Variants in CNTN1 observed in about 807,000 individuals in gnomAD.
CNTN1 encodes the protein contactin 1, also known as contactin-1.
In CNTN1, 38 loss-of-function variants were observed where a neutral mutation model predicts 126.4. The observed-to-expected ratio is 0.30, with a 90% confidence interval of 0.23 to 0.39. The LOEUF (loss-of-function observed/expected upper bound fraction) is 0.39. Ranked by LOEUF, CNTN1 falls within the 10% of genes least tolerant of loss-of-function variation. The pLI, the probability that CNTN1 is intolerant of heterozygous loss-of-function variation, is 1.00. For synonymous variants in CNTN1, 413 were observed against 422.6 expected, an observed-to-expected ratio of 0.98 and a Z score of 0.28; for missense variants, 1,009 against 1,248.4, an observed-to-expected ratio of 0.81 and a Z score of 2.89.
At chr12:41,031,149 T>C (rs1949138268) in intron 23 of CNTN1, among the ~76,000 whole-genome samples, 1 of 152,188 alleles carries the variant, frequency 6.6e-6, no homozygotes, top group African/African-American at 2.4e-5. Flanking sequence ...CAGCAAGAGA[T>C]GATGTAGCAG....
chr12:40,959,671 A>G (rs1334130426), intron 15 of CNTN1, among the ~76,000 whole-genome samples: 1 of 152,048 alleles, frequency 6.6e-6, no homozygotes, highest in Non-Finnish European at 1.5e-5. Flanking sequence ...TTATACATGT[A>G]TCATGTTTTT....
intron 1 of CNTN1, among the ~76,000 whole-genome samples, chr12:40,793,920 A>C (rs1367422253): frequency 6.6e-6 from 1 of 151,624 alleles, no homozygotes; most frequent in African/African-American, 2.4e-5. Context: ...TTACTTTTGC[A>C]CCAACCTAAT....
At chr12:40,958,372 TGTG>T (rs1946972397) in intron 14 of CNTN1, among the ~76,000 whole-genome samples, 2 of 150,786 alleles carry the variant, frequency 1.3e-5, no homozygotes, top group Non-Finnish European at 3.0e-5. Flanking sequence ...TGTGTGTGTG[TGTG>T]TGTGTATGTA....
intron 1 of CNTN1, among the ~76,000 whole-genome samples, chr12:40,881,812 T>G (rs1305417780): frequency 6.6e-6 from 1 of 151,816 alleles, no homozygotes; most frequent in African/African-American, 2.4e-5. Flanking sequence ...GACTCTGATT[T>G]AAAAAATGAT....
At chr12:40,709,021 A>G (rs1347575707) in intron 1 of CNTN1, among the ~76,000 whole-genome samples, 1 of 152,236 alleles carries the variant, frequency 6.6e-6, no homozygotes, top group Non-Finnish European at 1.5e-5. Context: ...CTAAAATAGT[A>G]AATTCTTTTC....
intron 1 of CNTN1, among the ~76,000 whole-genome samples, chr12:40,805,356 C>A (rs575850814): frequency 2.6e-5 from 4 of 152,008 alleles, no homozygotes; most frequent in Non-Finnish European, 5.9e-5. Flanking sequence ...TTCTCCCCAT[C>A]ATTTTTCCTT....
At chr12:40,865,692 A>T (rs1943272430) in intron 1 of CNTN1, among the ~76,000 whole-genome samples, 1 of 152,004 alleles carries the variant, frequency 6.6e-6, no homozygotes. Flanking sequence ...TATGTCTATT[A>T]TTACCAAGAC....
At chr12:41,049,201 T>A (rs144045470) in intron 23 of CNTN1, among the ~76,000 whole-genome samples, 3 of 152,196 alleles carry the variant, frequency 2.0e-5, no homozygotes. Context: ...CAGGACTCAG[T>A]ACGTCAGTAA....
At chr12:40,929,654 CTGTT>C in intron 6 of CNTN1, 138 bp from the exon 7 acceptor site, 1 of 676,642 alleles carries the variant, frequency 1.5e-6, no homozygotes, top group Non-Finnish European at 2.7e-6. Flanking sequence ...AAAGTGTGCA[CTGTT>C]TGTCTTGGCT....
chr12:40,939,587 G>A, intron 12 of CNTN1, 102 bp downstream of exon 12: 1 of 1,374,380 alleles, frequency 7.3e-7, no homozygotes, highest in Non-Finnish European at 1.0e-6. Flanking sequence ...TTTTTGCTCT[G>A]AATTTTTTTT....
intron 1 of CNTN1, among the ~76,000 whole-genome samples, chr12:40,824,595 C>G (rs1297233697): frequency 6.6e-6 from 1 of 152,046 alleles, no homozygotes; most frequent in Admixed American, 6.6e-5. Flanking sequence ...TTATTTAATT[C>G]CCACAAAAAC....
chr12:40,975,963 A>G (rs1197583770), intron 15 of CNTN1, among the ~76,000 whole-genome samples: 1 of 152,204 alleles, frequency 6.6e-6, no homozygotes, highest in Non-Finnish European at 1.5e-5. Context: ...ATATGAGCGT[A>G]ATAAAATGTA....
intron 23 of CNTN1, among the ~76,000 whole-genome samples, chr12:41,031,343 C>G (rs1256151832): frequency 1.3e-5 from 2 of 151,914 alleles, no homozygotes; most frequent in Admixed American, 1.3e-4. Context: ...GAAGAGCTAC[C>G]CAGTAGCACA....
intron 1 of CNTN1, among the ~76,000 whole-genome samples, chr12:40,734,586 C>T (rs925357999): frequency 6.6e-6 from 1 of 152,134 alleles, no homozygotes; most frequent in Non-Finnish European, 1.5e-5. Context: ...CACATTTTCT[C>T]ATTAGGAAAA....
intron 15 of CNTN1, among the ~76,000 whole-genome samples, chr12:40,976,821 C>G (rs1424236466): frequency 6.6e-6 from 1 of 152,172 alleles, no homozygotes; most frequent in Non-Finnish European, 1.5e-5. Context: ...CCACGTTTGT[C>G]TCCGTGCTCT....
At chr12:40,864,957 A>G (rs1943249085) in intron 1 of CNTN1, among the ~76,000 whole-genome samples, 1 of 77,030 alleles carries the variant, frequency 1.3e-5, no homozygotes, top group Non-Finnish European at 2.4e-5. Context: ...CATTTCCACC[A>G]GCATGAATAA....
intron 23 of CNTN1, among the ~76,000 whole-genome samples, chr12:41,062,690 A>C (rs1349467773): frequency 6.6e-6 from 1 of 152,206 alleles, no homozygotes; most frequent in African/African-American, 2.4e-5. Context: ...TGTTAATTCA[A>C]GGAAGTAAAT....
intron 14 of CNTN1, among the ~76,000 whole-genome samples, chr12:40,947,397 A>T (rs1946470143): frequency 6.6e-6 from 1 of 152,012 alleles, no homozygotes; most frequent in Non-Finnish European, 1.5e-5. Flanking sequence ...ATGGCAAATG[A>T]TCATAAATGT....
rs551764096 is a variant in CNTN1, at chr12:40,871,605, T to C, written c.-76-36752T>C. Among the ~76,000 whole-genome samples, 223 of 152,256 alleles carry C rather than the reference T, an allele frequency of 1.5e-3. 8 individuals carry two copies. The South Asian group carries it at 0.044, about 30-fold the overall frequency. ...CTTGATCAACTGAGCGAATGTTAGT[T>C]TCATTCTCTGAAATGATCCCCAAAG... On this transcript the variant is annotated intron_variant, in intron 1 of 23. Coordinates refer to ENST00000551295, the MANE Select transcript of CNTN1 (RefSeq NM_001843.4).
Sources: allele counts gnomAD v4.1 joint callset (sites outside exome capture counted in the v4.1 genomes callset), GRCh38; gene constraint gnomAD v4.1.1; transcripts MANE v1.5; gene names NCBI Gene and HGNC (gene_info 2026-07-23, HGNC 2026-07-21).